Variants in CNN1 observed in about 807,000 individuals in gnomAD.
CNN1 encodes the protein calponin-1.
Under a neutral mutation model 35.3 loss-of-function variants are expected in CNN1, and 21 were observed. The observed-to-expected ratio is 0.60, with a 90% CI of 0.42 to 0.86. CNN1 has a LOEUF of 0.86. Among genes scored for constraint, CNN1 ranks in the 40% least tolerant of loss-of-function variants. The pLI, the probability that CNN1 is intolerant of heterozygous loss-of-function variation, is 0.00. For missense variants in CNN1, 314 were observed against 400.8 expected (o/e 0.78, Z 1.85); for synonymous variants, 164 against 161.8 (o/e 1.01, Z -0.10).
At chr19:11,544,908 G>A (rs564378689) in intron 2 of CNN1, among the ~76,000 whole-genome samples, 32 of 152,048 alleles carry the variant, frequency 2.1e-4, no homozygotes, top group African/African-American at 7.5e-4. Flanking sequence ...TTTAAAAAAG[G>A]CCATTCTGGG....
At chr19:11,542,874 C>G (rs1318043454) in intron 2 of CNN1, among the ~76,000 whole-genome samples, 1 of 152,168 alleles carries the variant, frequency 6.6e-6, no homozygotes, top group African/African-American at 2.4e-5. Context: ...GCGCCCGGCT[C>G]CACTGCAATC....
At chr19:11,545,426 A>C (rs552755907) in intron 2 of CNN1, among the ~76,000 whole-genome samples, 17 of 133,238 alleles carry the variant, frequency 1.3e-4, no homozygotes, top group Admixed American at 8.7e-4. Flanking sequence ...AGAAAGGGGG[A>C]GTTGGGGGCA....
At chr19:11,540,384 G>A (rs1198954135) in intron 1 of CNN1, 1 of 152,836 alleles carries the variant, frequency 6.5e-6, no homozygotes, top group Non-Finnish European at 1.5e-5. Context: ...CAAGACCCAG[G>A]AGCCCTACCC....
At chr19:11,541,229 A>C in intron 2 of CNN1, 32 bp downstream of exon 2, 1 of 1,523,550 alleles carries the variant, frequency 6.6e-7, no homozygotes. Context: ...GAGACCCTGC[A>C]ACATCCCCCA....
rs572231844 is a variant in CNN1, at chr19:11,540,151, A to AG, written c.64-917dup. 1.9e-3 allele frequency: 1,100 copies of AG among 587,906 alleles called. 2 individuals carry two copies. Among genetic ancestry groups the AG allele is most frequent in the South Asian group, 5.5e-3 (76 of 13,868 alleles). The allele number at this position is 587,906 out of a possible 1,614,324, so 36.4% of individuals were successfully genotyped here. On this transcript the variant is annotated intron_variant, in intron 1 of 6. Transcript: ENST00000252456. The stretch of plus-strand genomic sequence containing the variant: ...TGGAGAAATGGGAGTGGAGTGGGGG[A>AG]GGGGGGGGACAGTGGAGAGAGGGAA...
chr19:11,548,286 T>C (rs1972636850), intron 5 of CNN1, among the ~76,000 whole-genome samples: 1 of 152,158 alleles, frequency 6.6e-6, no homozygotes, highest in African/African-American at 2.4e-5. Flanking sequence ...ACACCTGTAA[T>C]TCCAGCACTT....
chr19:11,540,231 T>G, intron 1 of CNN1: 1 of 227,578 alleles, frequency 4.4e-6, no homozygotes, highest in Non-Finnish European at 7.3e-6. Flanking sequence ...TGAGACACCC[T>G]AGGGACAGAC....
intron 2 of CNN1, among the ~76,000 whole-genome samples, chr19:11,545,414 G>A (rs1321719371): frequency 6.7e-6 from 1 of 149,864 alleles, no homozygotes; most frequent in South Asian, 2.1e-4. Context: ...GCTGAGAGAA[G>A]GAGAAAGGGG....
At chr19:11,540,340 T>TG (rs975517396) in intron 1 of CNN1, 6 of 151,698 alleles carry the variant, frequency 4.0e-5, no homozygotes, top group African/African-American at 1.5e-4. Flanking sequence ...GCAGGAAACC[T>TG]GGAGACAGAG....
chr19:11,540,153 G>A (rs557437236), intron 1 of CNN1: 8 of 715,636 alleles, frequency 1.1e-5, no homozygotes, highest in African/African-American at 5.8e-5. Context: ...AGTGGGGGAG[G>A]GGGGGGACAG....
intron 1 of CNN1, chr19:11,539,809 G>A (rs1972417398): frequency 1.7e-6 from 2 of 1,181,586 alleles, no homozygotes; most frequent in Non-Finnish European, 2.1e-6. Context: ...CGGGGCTGGA[G>A]GAGGGGGCTG....
rs1404538003 is a variant in CNN1, at chr19:11,549,060, C to A, written c.502-263C>A. ...AAAATTATCCGGGCATGGTGATGCC[C>A]ACCTGTGATCCCAGCTACTCCGGAG... is the stretch of plus-strand genomic sequence containing the variant. On this transcript the variant is annotated intron_variant, in intron 5 of 6. Transcript: ENST00000252456. This position sits in a 1 kb window ranked among gnomAD's most constrained non-coding sequence, Gnocchi z 5.2. Among the ~76,000 whole-genome samples the A allele has an allele frequency of 6.6e-6, 1 of 151,236 alleles. No homozygotes were observed. Among genetic ancestry groups the A allele is most frequent in the Non-Finnish European group, 1.5e-5 (1 of 67,856 alleles).
intron 2 of CNN1, among the ~76,000 whole-genome samples, chr19:11,544,599 G>A (rs1409757072): frequency 6.6e-6 from 1 of 151,130 alleles, no homozygotes; most frequent in Non-Finnish European, 1.5e-5. Context: ...AGCCTCTTCA[G>A]CCCCAGCCTC....
chr19:11,550,055 A>C lies in CNN1; in HGVS notation c.*260A>C, dbSNP rs775588528. On this transcript the variant is annotated 3_prime_UTR_variant, in exon 7 of 7. Coordinates refer to ENST00000252456, the MANE Select transcript of CNN1 (RefSeq NM_001299.6). ...CAGCGCCCAAAGGACGCACTGAGCAACGCTATTCCAGCTGTCCCCCCACTC... is the reference window on the plus strand; with the variant it reads ...CAGCGCCCAAAGGACGCACTGAGCACCGCTATTCCAGCTGTCCCCCCACTC... 3 of 412,322 alleles carry C rather than the reference A, an allele frequency of 7.3e-6. No homozygotes were observed. The highest frequency in any genetic ancestry group is 7.9e-5 in the East Asian group (2 of 25,322). 25.5% of individuals were successfully genotyped at this position (412,322 alleles called of 1,614,324 possible). A position where few individuals can be genotyped will look rare whatever the true frequency, so the allele number is the denominator to read the frequency against.
At chr19:11,544,412 G>A (rs8100651) in intron 2 of CNN1, among the ~76,000 whole-genome samples, 3,019 of 152,214 alleles carry the variant, frequency 0.02, 63 homozygotes, top group Admixed American at 0.049. Context: ...CCAAATGATT[G>A]AGCAGAAGTG....
At position 11,541,141 on chromosome 19, in the gene CNN1, C is replaced by T. The variant is rs370159763; in HGVS notation, c.129C>T (p.Gly43=). 1 of 1,607,574 alleles carries T rather than the reference C, an allele frequency of 6.2e-7. No homozygotes were observed. Among genetic ancestry groups the T allele is most frequent in the Non-Finnish European group, 8.5e-7 (1 of 1,176,816 alleles). Residue 43 remains glycine (G), a synonymous_variant, in exon 2 of 7, where the codon GGC becomes GGT. Transcript: ENST00000252456. The part of the protein sequence containing the change: ...ELREWIEGVT[G]RRIGNNFMDG... ...GAGAGTGGATCGAGGGGGTGACAGGCCGTCGCATCGGCAACAACTTCATGG... is the reference window on the plus strand; with the variant it reads ...GAGAGTGGATCGAGGGGGTGACAGGTCGTCGCATCGGCAACAACTTCATGG...
At chr19:11,543,490 A>AATAATAATAATAATAATAATC (rs1972509939) in intron 2 of CNN1, among the ~76,000 whole-genome samples, 1 of 151,390 alleles carries the variant, frequency 6.6e-6, no homozygotes, top group South Asian at 2.1e-4. Flanking sequence ...TAATAATAAT[A>AATAATAATAATAATAATAATC]AAAGAGTGGG....
chr19:11,543,172 T>A (rs531333535), intron 2 of CNN1, among the ~76,000 whole-genome samples: 1 of 152,228 alleles, frequency 6.6e-6, no homozygotes, highest in Non-Finnish European at 1.5e-5. Flanking sequence ...ATAGCCAGAT[T>A]CCATCTCTAC....
intron 2 of CNN1, among the ~76,000 whole-genome samples, chr19:11,542,903 C>G (rs576478285): frequency 1.3e-5 from 2 of 152,194 alleles, no homozygotes; most frequent in Non-Finnish European, 2.9e-5. Flanking sequence ...TAGCAGGGCC[C>G]TAAACCCAGC....
Sources: allele counts gnomAD v4.1 joint callset (sites outside exome capture counted in the v4.1 genomes callset), GRCh38; gene constraint gnomAD v4.1.1; non-coding constraint Gnocchi (gnomAD v3.1); transcripts MANE v1.5; gene names NCBI Gene and HGNC (gene_info 2026-07-23, HGNC 2026-07-21).